The following OR51A4 variants were observed in gnomAD, a reference collection of about 807,000 sequenced individuals.
OR51A4 encodes the protein olfactory receptor family 51 subfamily A member 4.
For missense variants in OR51A4, 243 were observed against 364.0 expected (o/e 0.67, Z 2.70); for synonymous variants, 96 against 141.5 (o/e 0.68, Z 2.28).
At position 4,945,987 on chromosome 11, in the gene OR51A4, G is replaced by A. The variant is rs192779769; in HGVS notation, c.*172C>T. The A allele has an allele frequency of 1.3e-4, 88 of 656,450 alleles. No homozygotes were observed. The highest frequency in any genetic ancestry group is 1.9e-4 in the Non-Finnish European group (72 of 378,854). The allele number at this position is 656,450 out of a possible 1,614,324, so 40.7% of individuals were successfully genotyped here. A position where few individuals can be genotyped will look rare whatever the true frequency, so the allele number is the denominator to read the frequency against. ...AACTGAAATGGGGACATAAGGCAAC[G>A]TACTTCCTGTTTATAGTTCTATTCT... On this transcript the variant is annotated 3_prime_UTR_variant, in exon 2 of 2. Transcript: ENST00000641898.
In OR51A4 at chr11:4,945,259, T is replaced by G. The variant is rs886980125; in HGVS notation, c.*900A>C. On this transcript the variant is annotated 3_prime_UTR_variant, in exon 2 of 2. Coordinates refer to ENST00000641898, the MANE Select transcript of OR51A4 (RefSeq NM_001005329.2). ...CAAAATTTAAAGAAAAAAATAGAAA[T>G]GCATTATACAAAATTGGAGTCAAGA... The G allele has an allele frequency of 6.6e-6, 1 of 152,002 alleles. No homozygotes were observed. Among genetic ancestry groups the G allele is most frequent in the African/African-American group, 2.4e-5 (1 of 41,376 alleles). The allele number at this position is 152,002 out of a possible 1,614,324, so 9.4% of individuals were successfully genotyped here.
rs1342074076 is a variant in OR51A4, at chr11:4,944,745, C to T, written c.*1414G>A. The T allele has an allele frequency of 2.6e-5, 4 of 151,738 alleles. No homozygotes were observed. Among genetic ancestry groups the T allele is most frequent in the Non-Finnish European group, 5.9e-5 (4 of 67,952 alleles). 9.4% of individuals were successfully genotyped at this position (151,738 alleles called of 1,614,324 possible). On this transcript the variant is annotated 3_prime_UTR_variant, in exon 2 of 2. Coordinates refer to ENST00000641898, the MANE Select transcript of OR51A4 (RefSeq NM_001005329.2). ...GTTGGACAATTTTTCAGCCACAAATCCAAGGCAATAAATTTGTCTTTAACA... is the reference window on the plus strand; with the variant it reads ...GTTGGACAATTTTTCAGCCACAAATTCAAGGCAATAAATTTGTCTTTAACA...
chr11:4,943,345 T>A lies in OR51A4; in HGVS notation c.*2814A>T, dbSNP rs1405212310. ...TCTCTCAAGTGAAGTCTTTCAGTTT[T>A]CTCAGTTTTTCACTGGTTTCCTTTC... On this transcript the variant is annotated 3_prime_UTR_variant, in exon 2 of 2. Transcript: ENST00000641898. The A allele has an allele frequency of 2.9e-6, 1 of 348,730 alleles. No homozygotes were observed. Among genetic ancestry groups the A allele is most frequent in the African/African-American group, 2.2e-5 (1 of 46,364 alleles). The allele number at this position is 348,730 out of a possible 1,614,324, so 21.6% of individuals were successfully genotyped here.
In OR51A4 at chr11:4,943,585, C is replaced by A; in HGVS notation, c.*2574G>T. On this transcript the variant is annotated 3_prime_UTR_variant, in exon 2 of 2. Coordinates refer to ENST00000641898, the MANE Select transcript of OR51A4 (RefSeq NM_001005329.2). ...AAGAATGGTTAGTAGCGTCTCCGGC[C>A]TCTAATCAGTGGAAGTCAGTGACAC... is the stretch of plus-strand genomic sequence containing the variant. 2 of 417,240 alleles carry A rather than the reference C, an allele frequency of 4.8e-6. No individual in the cohort carries two copies. The highest frequency in any genetic ancestry group is 9.7e-6 in the Non-Finnish European group (2 of 206,790). 25.8% of individuals were successfully genotyped at this position (417,240 alleles called of 1,614,324 possible).
rs191194107 is a variant in OR51A4 at position 4,944,131 on chromosome 11, A to G, written c.*2028T>C. 208 of 455,876 alleles carry G rather than the reference A, an allele frequency of 4.6e-4. No individual in the cohort carries two copies. Among genetic ancestry groups the G allele is most frequent in the Non-Finnish European group, 7.3e-4 (165 of 226,568 alleles). The allele number at this position is 455,876 out of a possible 1,614,324, so 28.2% of individuals were successfully genotyped here. A position where few individuals can be genotyped will look rare whatever the true frequency, so the allele number is the denominator to read the frequency against. ...GTAAGGTTTTGGAAAAGGTAGATAG[A>G]TACAGTTATGCACCTCAAACATAGG... On this transcript the variant is annotated 3_prime_UTR_variant, in exon 2 of 2. Transcript: ENST00000641898.
rs1846300787 is a variant in OR51A4, at chr11:4,946,251, C to T, written c.850G>A (p.Val284Ile). ...NVLMANVLLL[V>I]PPLTNPIVYC... is the part of the protein sequence containing the mutation. The stretch of plus-strand genomic sequence containing the variant: ...ACAATTGGGTTCGTCAGTGGAGGTA[C>T]AAGTAGGAGAACATTTGCCATGAGA... The change falls in exon 2 of 2, where the codon GTA (valine) becomes ATA (isoleucine). Residue 284 changes from valine (V) to isoleucine (I), a missense_variant. Transcript: ENST00000641898. The T allele has an allele frequency of 1.2e-6, 2 of 1,613,796 alleles. No homozygotes were observed. Among genetic ancestry groups the T allele is most frequent in the Non-Finnish European group, 1.7e-6 (2 of 1,180,028 alleles).
At chr11:4,947,243 T>G (rs1846326154) in intron 1 of OR51A4, 81 bp from the exon 2 acceptor site, 1 of 482,606 alleles carries the variant, frequency 2.1e-6, no homozygotes, top group Non-Finnish European at 3.6e-6. Context: ...AGCATTTATG[T>G]GGCTATCATC....
rs1267372319 is a variant in OR51A4 at position 4,946,313 on chromosome 11, T to C, written c.788A>G (p.His263Arg). Residue 263 changes from histidine (H) to arginine (R), a missense_variant, in exon 2 of 2, where the codon CAC becomes CGC. His to Arg is a conservative substitution (Grantham distance 29). Coordinates refer to ENST00000641898, the MANE Select transcript of OR51A4 (RefSeq NM_001005329.2). ...GGGAGAGACATGCCGGGCAAAGCGG[T>C]GGACAACGGCCAGGTTGATGATGGG... ...YLPIINLAVV[H>R]RFARHVSPLI... The C allele has an allele frequency of 6.2e-7, 1 of 1,613,860 alleles. No homozygotes were observed.
rs187403224 is a variant in OR51A4 at position 4,945,176 on chromosome 11, G to A, written c.*983C>T. 3.9e-5 allele frequency: 6 copies of A among 152,144 alleles called. No individual in the cohort carries two copies. The highest frequency in any genetic ancestry group is 2.6e-4 in the Admixed American group (4 of 15,282). The allele number at this position is 152,144 out of a possible 1,614,324, so 9.4% of individuals were successfully genotyped here. ...GAAAGAATAAACCCGCAATGGAAGA[G>A]ATAAAAGAGAAGATCATAATACAAA... On this transcript the variant is annotated 3_prime_UTR_variant, in exon 2 of 2. Transcript: ENST00000641898.
Position 4,944,430 on chromosome 11 carries a change from C to T in OR51A4, c.*1729G>A. ...TGTTGAGAGCAAATTTTTAAAATGC[C>T]TAAAAAGACCTGGAAGCATATCCTG... On this transcript the variant is annotated 3_prime_UTR_variant, in exon 2 of 2. Coordinates refer to ENST00000641898, the MANE Select transcript of OR51A4 (RefSeq NM_001005329.2). The T allele has an allele frequency of 6.2e-6, 1 of 160,678 alleles. No individual in the cohort carries two copies. The highest frequency in any genetic ancestry group is 1.4e-5 in the Non-Finnish European group (1 of 73,792). The allele number at this position is 160,678 out of a possible 1,614,324, so 10.0% of individuals were successfully genotyped here.
At position 4,946,573 on chromosome 11, in the gene OR51A4, T is replaced by A. The variant is rs1451689139; in HGVS notation, c.528A>T (p.Leu176Phe). The A allele has an allele frequency of 1.3e-6, 2 of 1,587,612 alleles. No individual in the cohort carries two copies. The highest frequency in any genetic ancestry group is 1.1e-5 in the South Asian group (1 of 90,484). The change falls in exon 2 of 2, where the codon TTA becomes TTT. Residue 176 changes from leucine (L) to phenylalanine (F), a missense_variant. Transcript: ENST00000641898. ...CCTGGTGGAGACAGTAGGAATGGGA[T>A]AATTGGTTTTTCTTGCAATATCTCA... is the stretch of plus-strand genomic sequence containing the variant. ...RNLRYCKKNQLSHSYCLHQDV... is the reference protein window; with the variant it reads ...RNLRYCKKNQFSHSYCLHQDV...
Position 4,946,893 on chromosome 11 carries a change from T to C in OR51A4, c.208A>G (p.Met70Val), listed in dbSNP as rs1184207545. 40 of 1,606,404 alleles carry C rather than the reference T, an allele frequency of 2.5e-5. No homozygotes were observed. The East Asian group carries it at 8.0e-4, about 32-fold the overall frequency. ...GATAAAGACAAACCCAAGTCTGACA[T>C]AGCCAACATGGAAAGAAAATAGTAC... is the stretch of plus-strand genomic sequence containing the variant. ...PMYYFLSMLA[M>V]SDLGLSLSSL... The change falls in exon 2 of 2, where the codon ATG (methionine) becomes GTG (valine). Residue 70 changes from methionine to valine, a missense_variant. Coordinates refer to ENST00000641898, the MANE Select transcript of OR51A4 (RefSeq NM_001005329.2).
At position 4,944,068 on chromosome 11, in the gene OR51A4, C is replaced by T. The variant is rs1204705792; in HGVS notation, c.*2091G>A. On this transcript the variant is annotated 3_prime_UTR_variant, in exon 2 of 2. Transcript: ENST00000641898. ...AATTAATAAAATATGTCAACTACTGCTTGGTTGTACTACAACCCCAAACCC... is the reference window on the plus strand; with the variant it reads ...AATTAATAAAATATGTCAACTACTGTTTGGTTGTACTACAACCCCAAACCC... The T allele has an allele frequency of 2.3e-6, 1 of 443,544 alleles. No homozygotes were observed. The highest frequency in any genetic ancestry group is 7.0e-5 in the East Asian group (1 of 14,338). 27.5% of individuals were successfully genotyped at this position (443,544 alleles called of 1,614,324 possible). A position where few individuals can be genotyped will look rare whatever the true frequency, so the allele number is the denominator to read the frequency against.
In OR51A4 at chr11:4,945,793, C is replaced by T; in HGVS notation, c.*366G>A. 1 of 277,120 alleles carries T rather than the reference C, an allele frequency of 3.6e-6. No homozygotes were observed. Among genetic ancestry groups the T allele is most frequent in the South Asian group, 4.2e-5 (1 of 24,092 alleles). The allele number at this position is 277,120 out of a possible 1,614,324, so 17.2% of individuals were successfully genotyped here. On this transcript the variant is annotated 3_prime_UTR_variant, in exon 2 of 2. Coordinates refer to ENST00000641898, the MANE Select transcript of OR51A4 (RefSeq NM_001005329.2). Reference sequence around the variant, plus strand: ...AAGATGATTAAAATGGATAAAGAGACAGCTAATTTAGGTCTAGCATTAAAA... The same window carrying T: ...AAGATGATTAAAATGGATAAAGAGATAGCTAATTTAGGTCTAGCATTAAAA...
Position 4,946,044 on chromosome 11 carries a change from T to C in OR51A4, c.*115A>G. On this transcript the variant is annotated 3_prime_UTR_variant, in exon 2 of 2. Coordinates refer to ENST00000641898, the MANE Select transcript of OR51A4 (RefSeq NM_001005329.2). The stretch of plus-strand genomic sequence containing the variant: ...CAGTATCCAGAGTGAATAAAATAAC[T>C]CTATGACAACAACAAAAATATGTGT... 1 of 883,204 alleles carries C rather than the reference T, an allele frequency of 1.1e-6. No homozygotes were observed. Among genetic ancestry groups the C allele is most frequent in the Non-Finnish European group, 1.7e-6 (1 of 600,624 alleles). The allele number at this position is 883,204 out of a possible 1,614,324, so 54.7% of individuals were successfully genotyped here.
In OR51A4 at chr11:4,943,481, C is replaced by T. The variant is rs932850616; in HGVS notation, c.*2678G>A. 6 of 455,896 alleles carry T rather than the reference C, an allele frequency of 1.3e-5. No individual in the cohort carries two copies. Among genetic ancestry groups the T allele is most frequent in the Non-Finnish European group, 2.6e-5 (6 of 226,568 alleles). 28.2% of individuals were successfully genotyped at this position (455,896 alleles called of 1,614,324 possible). On this transcript the variant is annotated 3_prime_UTR_variant, in exon 2 of 2. Coordinates refer to ENST00000641898, the MANE Select transcript of OR51A4 (RefSeq NM_001005329.2). ...TTGTTATTTGATAGTTACATTTAGACTAAGGTTTTTTTAATGCTTGGCACC... is the reference window on the plus strand; with the variant it reads ...TTGTTATTTGATAGTTACATTTAGATTAAGGTTTTTTTAATGCTTGGCACC...
In OR51A4 at chr11:4,945,270, A is replaced by G. The variant is rs969351306; in HGVS notation, c.*889T>C. 6.6e-6 allele frequency: 1 copy of G among 152,146 alleles called. No individual in the cohort carries two copies. Among genetic ancestry groups the G allele is most frequent in the African/African-American group, 2.4e-5 (1 of 41,444 alleles). 9.4% of individuals were successfully genotyped at this position (152,146 alleles called of 1,614,324 possible). ...GAAAAAAATAGAAATGCATTATACAAAATTGGAGTCAAGAGCATTTTAACA... is the reference window on the plus strand; with the variant it reads ...GAAAAAAATAGAAATGCATTATACAGAATTGGAGTCAAGAGCATTTTAACA... On this transcript the variant is annotated 3_prime_UTR_variant, in exon 2 of 2. Coordinates refer to ENST00000641898, the MANE Select transcript of OR51A4 (RefSeq NM_001005329.2).
chr11:4,946,660 C>T lies in OR51A4; in HGVS notation c.441G>A (p.Gly147=). ...GCATGCTCTTAAAGGAGAATACTAT[C>T]CCTATTTGGGCAACTCTGACAGTTG... ...ILTTVRVAQI[G]IVFSFKSMLL... is the part of the protein sequence containing the mutation. Residue 147 remains glycine, a synonymous_variant, in exon 2 of 2, where the codon GGG becomes GGA. Coordinates refer to ENST00000641898, the MANE Select transcript of OR51A4 (RefSeq NM_001005329.2). The T allele has an allele frequency of 6.3e-7, 1 of 1,591,662 alleles. No homozygotes were observed. The highest frequency in any genetic ancestry group is 1.1e-5 in the South Asian group (1 of 90,526).
In OR51A4 at chr11:4,943,625, G is replaced by A. The variant is rs1461808641; in HGVS notation, c.*2534C>T. ...GTCAGTGACACACCCACACCCCCAG[G>A]TTGCAACAACCGAAGATGTCCCCAG... On this transcript the variant is annotated 3_prime_UTR_variant, in exon 2 of 2. Coordinates refer to ENST00000641898, the MANE Select transcript of OR51A4 (RefSeq NM_001005329.2). 2 of 371,534 alleles carry A rather than the reference G, an allele frequency of 5.4e-6. No individual in the cohort carries two copies. The highest frequency in any genetic ancestry group is 2.1e-5 in the African/African-American group (1 of 47,202). 23.0% of individuals were successfully genotyped at this position (371,534 alleles called of 1,614,324 possible).
Sources: allele counts gnomAD v4.1 joint callset, GRCh38; gene constraint gnomAD v4.1.1; transcripts MANE v1.5; gene names NCBI Gene and HGNC (gene_info 2026-07-23, HGNC 2026-07-21).